CAPZB: variants seen among roughly 807,000 people sequenced by gnomAD.
The protein encoded by CAPZB is F-actin-capping protein subunit beta.
CAPZB carries 2 observed loss-of-function variants against 38.1 expected under a neutral mutation model. That is an observed-to-expected ratio of 0.05 (90% CI 0.02 to 0.17). The LOEUF is 0.17. Among genes scored for constraint, CAPZB ranks in the 10% least tolerant of loss-of-function variants. The pLI is 1.00. For missense variants in CAPZB, 161 were observed against 334.2 expected, an observed-to-expected ratio of 0.48 and a Z score of 4.04; for synonymous variants, 107 against 127.4, an observed-to-expected ratio of 0.84 and a Z score of 1.08.
At chr1:19,438,672 G>A (rs577153046) in intron 1 of CAPZB, among the ~76,000 whole-genome samples, 2 of 152,274 alleles carry the variant, frequency 1.3e-5, no homozygotes, top group East Asian at 1.9e-4. Context: ...GGTCTGCTCC[G>A]CCTCATCCAT....
chr1:19,480,471 G>T, intron 1 of CAPZB, among the ~76,000 whole-genome samples: 1 of 152,196 alleles, frequency 6.6e-6, no homozygotes, highest in East Asian at 1.9e-4. Context: ...TGTGGAGCAG[G>T]CAGCCGCCTC....
intron 2 of CAPZB, among the ~76,000 whole-genome samples, chr1:19,393,511 C>T (rs897823711): frequency 2.0e-5 from 3 of 152,244 alleles, no homozygotes; most frequent in African/African-American, 4.8e-5. Flanking sequence ...CTGCTGGCCC[C>T]GGCTGTCCCA....
intron 2 of CAPZB, among the ~76,000 whole-genome samples, chr1:19,405,541 CAAAAAAAAAAAAAAA>C (rs10577923): frequency 5.2e-5 from 5 of 96,516 alleles, no homozygotes; most frequent in African/African-American, 2.2e-4. Context: ...TAGAAAGAGG[CAAAAAAAAAAAAAAA>C]AAAAAAAAAT....
At chr1:19,449,950 T>C (rs1308918036) in intron 1 of CAPZB, among the ~76,000 whole-genome samples, 1 of 151,722 alleles carries the variant, frequency 6.6e-6, no homozygotes, top group Non-Finnish European at 1.5e-5. Context: ...GAGATCAGCC[T>C]GGGCAACATA....
At chr1:19,348,900 T>G (rs1399446960) in intron 6 of CAPZB, among the ~76,000 whole-genome samples, 1 of 151,816 alleles carries the variant, frequency 6.6e-6, no homozygotes, top group Non-Finnish European at 1.5e-5. Context: ...GGGAGAGAAA[T>G]GCTAGAAAGA....
intron 2 of CAPZB, among the ~76,000 whole-genome samples, chr1:19,416,947 T>C (rs1259123527): frequency 6.7e-6 from 1 of 149,144 alleles, no homozygotes; most frequent in Non-Finnish European, 1.5e-5. Context: ...CAGTGGTAGA[T>C]ACGGCCTGGC....
At chr1:19,402,827 C>T (rs958902130) in intron 2 of CAPZB, among the ~76,000 whole-genome samples, 4 of 152,132 alleles carry the variant, frequency 2.6e-5, no homozygotes. Flanking sequence ...GCGGGTAGAT[C>T]ACCTGAGGTC....
chr1:19,392,230 A>G (rs1430246391), intron 2 of CAPZB, among the ~76,000 whole-genome samples: 2 of 151,514 alleles, frequency 1.3e-5, no homozygotes, highest in African/African-American at 4.9e-5. Flanking sequence ...AACCTGCAGG[A>G]GACGACAGAA....
In CAPZB at chr1:19,464,020, C is replaced by T. The variant is rs1171636423; in HGVS notation, c.3+21416G>A. ...TGAACCCCTATCTCTACTAAAAATACAAAAAAAAAAAAAAAAATTAGCTGG... is the reference window on the plus strand; with the variant it reads ...TGAACCCCTATCTCTACTAAAAATATAAAAAAAAAAAAAAAAATTAGCTGG... On this transcript the variant is annotated intron_variant, in intron 1 of 8. Coordinates refer to ENST00000264202, the MANE Select transcript of CAPZB (RefSeq NM_004930.5). Among the ~76,000 whole-genome samples the T allele has an allele frequency of 3.2e-5, 4 of 124,630 alleles. 1 individual carries two copies. In the South Asian group the frequency reaches 1.0e-3, roughly 33 times the overall value. The allele number at this position is 124,630 out of a possible 152,430, so 81.8% of individuals were successfully genotyped here.
chr1:19,366,283 A>AATATAT (rs201882034), intron 4 of CAPZB, among the ~76,000 whole-genome samples: 667 of 60,484 alleles, frequency 0.011, 32 homozygotes, highest in African/African-American at 0.028. Context: ...CGTGTCTTAA[A>AATATAT]ATATATATAT....
rs192022659 is a variant in CAPZB at position 19,421,223 on chromosome 1, T to C, written c.4-1473A>G. On this transcript the variant is annotated intron_variant, in intron 1 of 8. Coordinates refer to ENST00000264202, the MANE Select transcript of CAPZB (RefSeq NM_004930.5). ...TGCCACATTTGGCCTTAACGAAATA[T>C]AACTTTTGAATATTACCGTTTACAC... 2.8e-4 allele frequency among the ~76,000 whole-genome samples: 43 copies of C among 152,352 alleles called. 1 individual carries two copies. Among genetic ancestry groups the C allele is most frequent in the African/African-American group, 9.1e-4 (38 of 41,576 alleles).
chr1:19,344,587 C>G (rs1416235295), intron 7 of CAPZB, among the ~76,000 whole-genome samples, 153 bp from the exon 8 acceptor site: 2 of 152,164 alleles, frequency 1.3e-5, no homozygotes, highest in Non-Finnish European at 2.9e-5. Flanking sequence ...TCCAGGCTGC[C>G]AAGACCCCAC....
chr1:19,421,890 T>C (rs1395040132), intron 1 of CAPZB, among the ~76,000 whole-genome samples: 1 of 152,168 alleles, frequency 6.6e-6, no homozygotes, highest in East Asian at 1.9e-4. Context: ...ATTGAGTGCA[T>C]ACAAATAAAC....
At chr1:19,460,574 C>CTTTTTTTTTTTTTTTT (rs35288971) in intron 1 of CAPZB, among the ~76,000 whole-genome samples, 10 of 90,982 alleles carry the variant, frequency 1.1e-4, no homozygotes, top group Non-Finnish European at 1.4e-4. Context: ...TGTGCCCAGG[C>CTTTTTTTTTTTTTTTT]TTTTTTTTTT....
intron 6 of CAPZB, among the ~76,000 whole-genome samples, chr1:19,353,929 G>A (rs1001744915): frequency 6.6e-6 from 1 of 152,242 alleles, no homozygotes; most frequent in Non-Finnish European, 1.5e-5. Flanking sequence ...CAGGTCCACT[G>A]CAGCTGCTCA....
intron 2 of CAPZB, among the ~76,000 whole-genome samples, chr1:19,414,057 AGCTGGCTCCATGG>A (rs1289298184): frequency 7.9e-5 from 12 of 152,206 alleles, no homozygotes; most frequent in African/African-American, 2.2e-4. Context: ...AATGTGTGTG[AGCTGGCTCCATGG>A]GCTGCTTCAC....
At chr1:19,446,659 G>A (rs2094496950) in intron 1 of CAPZB, among the ~76,000 whole-genome samples, 1 of 152,054 alleles carries the variant, frequency 6.6e-6, no homozygotes, top group South Asian at 2.1e-4. Flanking sequence ...CCCAACAACA[G>A]GGAAGTGATC....
intron 1 of CAPZB, among the ~76,000 whole-genome samples, chr1:19,432,056 AAAAAAAAAAG>A (rs1488349031): frequency 1.5e-4 from 13 of 86,008 alleles, no homozygotes; most frequent in African/African-American, 3.4e-4. Context: ...AAAAAAAAAA[AAAAAAAAAAG>A]AAAAAAAAAG....
intron 1 of CAPZB, among the ~76,000 whole-genome samples, chr1:19,470,418 C>T (rs1443758777): frequency 2.0e-5 from 3 of 152,178 alleles, no homozygotes; most frequent in Non-Finnish European, 4.4e-5. Flanking sequence ...AGGCCATTGG[C>T]ATTCTGACTG....
Sources: gnomAD v4.1 joint callset for allele counts (sites outside exome capture counted in the v4.1 genomes callset) on GRCh38, gnomAD v4.1.1 for gene constraint, MANE v1.5 for transcripts, NCBI Gene and HGNC (gene_info 2026-07-23, HGNC 2026-07-21) for gene names.